Variants in RANBP2 observed in about 807,000 individuals in gnomAD.
RANBP2 encodes the protein RAN binding protein 2, also known as E3 SUMO-protein ligase RanBP2.
In RANBP2, 57 loss-of-function variants were observed where a neutral mutation model predicts 303.6. The observed-to-expected ratio is 0.19, with a 90% CI of 0.15 to 0.23. RANBP2 has a LOEUF of 0.23. Ranked by LOEUF, RANBP2 falls within the 10% of genes least tolerant of loss-of-function variation. The pLI is 1.00. For missense variants in RANBP2, 3,138 were observed against 3,780.8 expected (o/e 0.83, Z 4.46); for synonymous variants, 1,167 against 1,301.5 (o/e 0.90, Z 2.23).
chr2:109,304,212 C>G, the RANBP2 span, among the ~76,000 whole-genome samples: 1 of 152,166 alleles, frequency 6.6e-6, no homozygotes, highest in Non-Finnish European at 1.5e-5. Flanking sequence ...ACTCATCTTG[C>G]AGAACTAAAC....
At chr2:109,359,745 G>A in the RANBP2 span, among the ~76,000 whole-genome samples, 3 of 152,060 alleles carry the variant, frequency 2.0e-5, no homozygotes, top group Non-Finnish European at 2.9e-5. Flanking sequence ...CAAAATGAAG[G>A]CACACAACAC....
At chr2:109,049,106 A>T in the RANBP2 span, among the ~76,000 whole-genome samples, 2 of 152,224 alleles carry the variant, frequency 1.3e-5, no homozygotes, top group African/African-American at 4.8e-5. Context: ...GATATTTTTC[A>T]GTAGAGCTAT....
chr2:108,779,941 G>A (rs1157007534), intron 25 of RANBP2, among the ~76,000 whole-genome samples: 2 of 152,148 alleles, frequency 1.3e-5, no homozygotes, highest in African/African-American at 4.8e-5. Context: ...TTAGGCCATT[G>A]TGGCTAATTT....
chr2:109,406,842 A>T, the RANBP2 span, among the ~76,000 whole-genome samples: 1 of 152,150 alleles, frequency 6.6e-6, no homozygotes, highest in Non-Finnish European at 1.5e-5. Flanking sequence ...TGCGCATTTC[A>T]GTGGTCGAAG....
the RANBP2 span, among the ~76,000 whole-genome samples, chr2:108,841,179 T>C: frequency 6.6e-6 from 1 of 152,184 alleles, no homozygotes; most frequent in Non-Finnish European, 1.5e-5. Flanking sequence ...TCTGTTACTC[T>C]GTTTTTCTAG....
chr2:109,458,601 A>AGAGAGAGAGAGAGAGAGAGAGAGAGAGT, the RANBP2 span, among the ~76,000 whole-genome samples: 2 of 148,956 alleles, frequency 1.3e-5, no homozygotes, highest in South Asian at 2.1e-4. Context: ...AGAGAGAGAG[A>AGAGAGAGAGAGAGAGAGAGAGAGAGAGT]ATTTATTTAT....
chr2:109,231,329 G>A, the RANBP2 span, among the ~76,000 whole-genome samples: 1 of 152,210 alleles, frequency 6.6e-6, no homozygotes, highest in Non-Finnish European at 1.5e-5. Context: ...TTTGACAAGT[G>A]TGTTACAATA....
At chr2:109,334,004 G>A in the RANBP2 span, among the ~76,000 whole-genome samples, 1 of 152,152 alleles carries the variant, frequency 6.6e-6, no homozygotes, top group Non-Finnish European at 1.5e-5. Context: ...AAGTGGGCAG[G>A]TTTCTAAGAC....
the RANBP2 span, among the ~76,000 whole-genome samples, chr2:109,040,402 T>C: frequency 1.3e-5 from 2 of 152,208 alleles, no homozygotes; most frequent in African/African-American, 4.8e-5. Flanking sequence ...TCCCACCTTG[T>C]TCATTTTTCT....
At chr2:108,920,348 C>G in the RANBP2 span, among the ~76,000 whole-genome samples, 5 of 152,204 alleles carry the variant, frequency 3.3e-5, no homozygotes, top group African/African-American at 4.8e-5. Context: ...ATGCTGGACC[C>G]TATCTTCCTC....
intron 4 of RANBP2, among the ~76,000 whole-genome samples, chr2:108,734,140 GGA>G (rs2149121694): frequency 6.6e-6 from 1 of 151,976 alleles, no homozygotes; most frequent in African/African-American, 2.4e-5. Context: ...AATTGATAAA[GGA>G]GAGAGGGGAA....
At chr2:108,909,965 C>T in the RANBP2 span, among the ~76,000 whole-genome samples, 1 of 152,212 alleles carries the variant, frequency 6.6e-6, no homozygotes, top group East Asian at 1.9e-4. Context: ...ATACAAGCAC[C>T]TTGCTCCTGG....
chr2:108,874,474 C>G, the RANBP2 span, among the ~76,000 whole-genome samples: 11 of 152,240 alleles, frequency 7.2e-5, no homozygotes, highest in Admixed American at 6.5e-4. Context: ...CAAATCTGGA[C>G]ACCTTCTATC....
chr2:108,866,138 G>A, the RANBP2 span, among the ~76,000 whole-genome samples: 1 of 152,200 alleles, frequency 6.6e-6, no homozygotes, highest in African/African-American at 2.4e-5. Flanking sequence ...GGATTTCACA[G>A]AAAGGGAATT....
At chr2:109,180,172 C>CT in the RANBP2 span, among the ~76,000 whole-genome samples, 3 of 151,314 alleles carry the variant, frequency 2.0e-5, no homozygotes, top group Non-Finnish European at 4.4e-5. Flanking sequence ...TGTTCTCTGT[C>CT]TACTTCCCTC....
At chr2:109,722,851 T>C in the RANBP2 span, among the ~76,000 whole-genome samples, 1 of 152,256 alleles carries the variant, frequency 6.6e-6, no homozygotes, top group Non-Finnish European at 1.5e-5. Flanking sequence ...ATGGTGTATA[T>C]GTACCACATT....
At chr2:109,183,802 AG>A in the RANBP2 span, among the ~76,000 whole-genome samples, 274 of 152,274 alleles carry the variant, frequency 1.8e-3, no homozygotes, top group African/African-American at 5.9e-3. Flanking sequence ...GGTAAGGCCA[AG>A]GGGGTTAAGT....
chr2:109,099,311 G>A, the RANBP2 span, among the ~76,000 whole-genome samples: 1 of 152,270 alleles, frequency 6.6e-6, no homozygotes, highest in Admixed American at 6.5e-5. Flanking sequence ...ATGTCAACAG[G>A]TAAAACAGAG....
the RANBP2 span, among the ~76,000 whole-genome samples, chr2:109,728,064 T>A: frequency 6.6e-6 from 1 of 152,176 alleles, no homozygotes; most frequent in South Asian, 2.1e-4. Context: ...TATGTCTTAC[T>A]CTTTAGTGAT....
Sources: allele counts gnomAD v4.1 joint callset (sites outside exome capture counted in the v4.1 genomes callset), GRCh38; gene constraint gnomAD v4.1.1; transcripts MANE v1.5; gene names NCBI Gene and HGNC (gene_info 2026-07-23, HGNC 2026-07-21).